PGBD2: variants seen among roughly 807,000 people sequenced by gnomAD.
PGBD2 encodes the protein piggyBac transposable element-derived protein 2.
PGBD2 carries 6 observed loss-of-function variants against 8.1 expected under a neutral mutation model. The ratio of observed to expected loss-of-function variants is 0.74; its 90% CI spans 0.40 to 1.46. The LOEUF is 1.46. Among genes scored for constraint, PGBD2 ranks in the 40% most tolerant of loss-of-function variants. PGBD2 has a pLI of 0.02. For synonymous variants in PGBD2, 318 were observed against 272.2 expected, an observed-to-expected ratio of 1.17 and a Z score of -1.66; for missense variants, 802 against 739.0, an observed-to-expected ratio of 1.09 and a Z score of -0.99.
At chr1:248,904,685 A>G (rs1203537442), upstream of PGBD2, among the ~76,000 whole-genome samples, 3 of 152,040 alleles carry the variant, frequency 2.0e-5, no homozygotes, top group East Asian at 5.8e-4. Context: ...TGCTTCAAAT[A>G]TTTTCCCCCT....
downstream of PGBD2, among the ~76,000 whole-genome samples, chr1:248,924,829 G>A (rs1039093247): frequency 2.0e-5 from 3 of 152,218 alleles, no homozygotes; most frequent in African/African-American, 7.2e-5. Flanking sequence ...ACTGGAGGTT[G>A]GCTCTGGGAG....
the PGBD2 span, among the ~76,000 whole-genome samples, chr1:248,888,688 T>C: frequency 0.86 from 131,530 of 152,124 alleles, 57,181 homozygotes; most frequent in African/African-American, 0.96. Context: ...TTCTGTAGGT[T>C]GTCTGTTTAT....
chr1:248,922,242 G>C (rs954300875), downstream of PGBD2, among the ~76,000 whole-genome samples: 1 of 151,882 alleles, frequency 6.6e-6, no homozygotes, highest in Non-Finnish European at 1.5e-5. Flanking sequence ...TGTATTTTTG[G>C]TAGAGACGGG....
the PGBD2 span, among the ~76,000 whole-genome samples, chr1:248,874,043 GGAA>G: frequency 5.3e-5 from 8 of 152,138 alleles, no homozygotes; most frequent in African/African-American, 1.7e-4. Flanking sequence ...GTCTTCTCCA[GGAA>G]GAAGGTTACA....
intron 1 of PGBD2, among the ~76,000 whole-genome samples, chr1:248,909,215 A>T (rs145579620): frequency 8.6e-4 from 131 of 152,152 alleles, no homozygotes; most frequent in African/African-American, 3.1e-3. Flanking sequence ...GAGGAGCCAC[A>T]TGTGAGGGGA....
intron 1 of PGBD2, 145 bp from the exon 2 acceptor site, chr1:248,913,671 C>A: frequency 1.7e-6 from 1 of 603,330 alleles, no homozygotes; most frequent in Non-Finnish European, 2.9e-6. Flanking sequence ...TGTTCTTTTC[C>A]CTCTGAATAA....
chr1:248,905,722 C>G (rs1160877496), upstream of PGBD2, among the ~76,000 whole-genome samples: 1 of 152,192 alleles, frequency 6.6e-6, no homozygotes, highest in Non-Finnish European at 1.5e-5. Context: ...CTCCTTCCCT[C>G]TCAACAAAGA....
At chr1:248,910,230 A>AT (rs1176196273) in intron 1 of PGBD2, among the ~76,000 whole-genome samples, 1 of 152,258 alleles carries the variant, frequency 6.6e-6, no homozygotes, top group African/African-American at 2.4e-5. Flanking sequence ...TAGTAACAGA[A>AT]TTAGACATTA....
chr1:248,885,637 C>T, the PGBD2 span, among the ~76,000 whole-genome samples: 1 of 152,072 alleles, frequency 6.6e-6, no homozygotes, highest in Non-Finnish European at 1.5e-5. Flanking sequence ...GGTAGGGACC[C>T]CAGGAGAAAC....
At chr1:248,916,530 C>A in intron 2 of PGBD2, 72 bp from the exon 3 acceptor site, 2 of 1,347,542 alleles carry the variant, frequency 1.5e-6, no homozygotes, top group Non-Finnish European at 2.1e-6. Context: ...AGTGGGAGCA[C>A]CCTCCTCTTT....
the PGBD2 span, among the ~76,000 whole-genome samples, chr1:248,890,351 T>C: frequency 2.0e-5 from 3 of 152,162 alleles, no homozygotes; most frequent in Non-Finnish European, 2.9e-5. Flanking sequence ...CTTTCTCTCC[T>C]CTTTCTTTAA....
At chr1:248,876,161 A>G in the PGBD2 span, among the ~76,000 whole-genome samples, 101 of 152,152 alleles carry the variant, frequency 6.6e-4, 1 homozygote, top group African/African-American at 1.7e-3. Context: ...GGCATGCACC[A>G]CCATGCCTGG....
At chr1:248,874,943 T>TAGATAGATAGGC in the PGBD2 span, among the ~76,000 whole-genome samples, 885 of 150,632 alleles carry the variant, frequency 5.9e-3, 12 homozygotes, top group African/African-American at 0.021. Context: ...GATAGATAGA[T>TAGATAGATAGGC]AGATAGATAG....
chr1:248,924,687 AG>A (rs2103123279), downstream of PGBD2, among the ~76,000 whole-genome samples: 1 of 152,360 alleles, frequency 6.6e-6, no homozygotes, highest in African/African-American at 2.4e-5. Flanking sequence ...AAATTCAAAA[AG>A]TAGCAAAGAC....
At chr1:248,897,216 A>G in the PGBD2 span, among the ~76,000 whole-genome samples, 1 of 151,366 alleles carries the variant, frequency 6.6e-6, no homozygotes, top group Non-Finnish European at 1.5e-5. Context: ...TCAGCATTCC[A>G]CCAGTTACTT....
intron 2 of PGBD2, chr1:248,914,566 A>C (rs751490937): frequency 1.4e-4 from 185 of 1,289,016 alleles, no homozygotes; most frequent in Non-Finnish European, 1.7e-4. Flanking sequence ...GCAGGTCTGT[A>C]CTGATGCAGC....
the PGBD2 span, among the ~76,000 whole-genome samples, chr1:248,873,946 A>C: frequency 1.3e-5 from 2 of 152,160 alleles, no homozygotes; most frequent in South Asian, 2.1e-4. Context: ...GTGGGTTCGA[A>C]TCCCACTTCT....
At chr1:248,902,638 C>T (rs181856509), upstream of PGBD2, among the ~76,000 whole-genome samples, 443 of 152,258 alleles carry the variant, frequency 2.9e-3, 3 homozygotes, top group African/African-American at 0.01. Context: ...AAATGTGGTA[C>T]ATATACAACA....
chr1:248,911,598 T>C (rs1426316873), intron 1 of PGBD2, among the ~76,000 whole-genome samples: 2 of 145,788 alleles, frequency 1.4e-5, no homozygotes, highest in African/African-American at 5.6e-5. Context: ...AAAGCCGCCA[T>C]TGTCATCCTG....
Sources: gnomAD v4.1 joint callset for allele counts (sites outside exome capture counted in the v4.1 genomes callset) on GRCh38, gnomAD v4.1.1 for gene constraint, MANE v1.5 for transcripts, NCBI Gene and HGNC (gene_info 2026-07-23, HGNC 2026-07-21) for gene names.